CFAP57: variants seen among roughly 807,000 people sequenced by gnomAD.
The protein encoded by CFAP57 is cilia- and flagella-associated protein 57.
A neutral mutation model predicts 146.8 loss-of-function variants in CFAP57; 116 were observed. The ratio of observed to expected loss-of-function variants is 0.79; its 90% CI spans 0.68 to 0.92. The LOEUF (loss-of-function observed/expected upper bound fraction) is 0.92. CFAP57 is among the 40% of genes least tolerant of loss of function. CFAP57 has a pLI of 0.00. For synonymous variants in CFAP57, 518 were observed against 552.8 expected (o/e 0.94, Z 0.88); for missense variants, 1,377 against 1,527.2 (o/e 0.90, Z 1.64).
chr1:43,206,656 C>T, intron 9 of CFAP57, 64 bp from the exon 10 acceptor site: 1 of 1,585,534 alleles, frequency 6.3e-7, no homozygotes, highest in Admixed American at 1.7e-5. Context: ...AGTTTGCACC[C>T]TTTTCTGTGT....
chr1:43,191,479 C>T (rs934041865), intron 6 of CFAP57, among the ~76,000 whole-genome samples: 5 of 148,824 alleles, frequency 3.4e-5, no homozygotes, highest in Admixed American at 1.4e-4. Flanking sequence ...CCCAGCTACT[C>T]GGGAGGCTGA....
chr1:43,204,716 C>G (rs991236955), intron 9 of CFAP57, among the ~76,000 whole-genome samples: 2 of 152,060 alleles, frequency 1.3e-5, no homozygotes, highest in Non-Finnish European at 2.9e-5. Flanking sequence ...AGGTTTTTAC[C>G]TTTTACTACC....
At position 43,199,413 on chromosome 1, in the gene CFAP57, C is replaced by T. The variant is rs1644014283; in HGVS notation, c.1452C>T (p.His484=). The change falls in exon 9 of 23, where the codon CAC becomes CAT. Residue 484 remains histidine (H), a synonymous_variant. Coordinates refer to ENST00000372492, the MANE Select transcript of CFAP57 (RefSeq NM_001378189.1). ...CGECSFSNGG[H]LFAAVNGNVI... ...AGTGTTCCTTTAGCAATGGAGGTCA[C>T]CTGTTTGCTGCAGTCAATGGAAATG... The T allele has an allele frequency of 1.2e-6, 2 of 1,614,150 alleles. No homozygotes were observed. Among genetic ancestry groups the T allele is most frequent in the Middle Eastern group, 3.3e-4 (2 of 6,062 alleles).
chr1:43,220,955 G>GC (rs1645021565), intron 13 of CFAP57, among the ~76,000 whole-genome samples: 1 of 152,046 alleles, frequency 6.6e-6, no homozygotes, highest in African/African-American at 2.4e-5. Context: ...CCTCCAACTC[G>GC]CCCCCCAAGC....
At chr1:43,193,592 A>G (rs79381314) in intron 6 of CFAP57, among the ~76,000 whole-genome samples, 27,393 of 151,978 alleles carry the variant, frequency 0.18, 3,574 homozygotes, top group African/African-American at 0.35. Context: ...TACTAACTTA[A>G]TGCTAGTAAC....
At chr1:43,231,423 T>G (rs1645461497) in intron 18 of CFAP57, among the ~76,000 whole-genome samples, 1 of 152,194 alleles carries the variant, frequency 6.6e-6, no homozygotes, top group South Asian at 2.1e-4. Flanking sequence ...GAAATACTAG[T>G]GTCCACCAGA....
At chr1:43,229,278 A>T (rs182574608) in intron 18 of CFAP57, among the ~76,000 whole-genome samples, 1 of 148,922 alleles carries the variant, frequency 6.7e-6, no homozygotes, top group Non-Finnish European at 1.5e-5. Context: ...GGGACCATTC[A>T]TCTTCTCTGG....
At chr1:43,234,440 G>A in intron 20 of CFAP57, 27 bp downstream of exon 20, 2 of 1,544,266 alleles carry the variant, frequency 1.3e-6, no homozygotes, top group Non-Finnish European at 8.7e-7. Context: ...CTCCTGCCAT[G>A]CACTGACCTC....
intron 17 of CFAP57, among the ~76,000 whole-genome samples, chr1:43,224,696 C>T (rs1279561590): frequency 6.6e-6 from 1 of 152,238 alleles, no homozygotes; most frequent in Non-Finnish European, 1.5e-5. Context: ...AACACTCAGA[C>T]GTCAGAGACA....
intron 10 of CFAP57, among the ~76,000 whole-genome samples, chr1:43,207,693 T>C (rs1396484507): frequency 2.0e-5 from 3 of 152,124 alleles, no homozygotes; most frequent in African/African-American, 7.2e-5. Context: ...GGGCTCCAAA[T>C]AGTGAAGGGA....
Position 43,238,654 on chromosome 1 carries a change from C to T in CFAP57, c.3405+4016C>T, listed in dbSNP as rs979420234. ...ACCTCAATGTGACCTCGGGACCCCT[C>T]GGAACACAGGCCACCCCAGAAAACA... is the stretch of plus-strand genomic sequence containing the variant. On this transcript the variant is annotated intron_variant, in intron 21 of 22. Coordinates refer to ENST00000372492, the MANE Select transcript of CFAP57 (RefSeq NM_001378189.1). This position sits in a 1 kb window ranked among gnomAD's most constrained non-coding sequence, Gnocchi z 4.3. Among the ~76,000 whole-genome samples, 2 of 152,166 alleles carry T rather than the reference C, an allele frequency of 1.3e-5. No homozygotes were observed. The highest frequency in any genetic ancestry group is 4.8e-5 in the African/African-American group (2 of 41,430).
At chr1:43,240,378 T>G (rs571412403) in intron 21 of CFAP57, among the ~76,000 whole-genome samples, 1 of 152,318 alleles carries the variant, frequency 6.6e-6, no homozygotes, top group East Asian at 1.9e-4. Flanking sequence ...TTCAGATATC[T>G]TCTAGGATGT....
At position 43,238,545 on chromosome 1, in the gene CFAP57, G is replaced by T. The variant is rs1191897867; in HGVS notation, c.3405+3907G>T. Among the ~76,000 whole-genome samples, 1 of 152,198 alleles carries T rather than the reference G, an allele frequency of 6.6e-6. No individual in the cohort carries two copies. Among genetic ancestry groups the T allele is most frequent in the Non-Finnish European group, 1.5e-5 (1 of 68,040 alleles). The stretch of plus-strand genomic sequence containing the variant: ...GGGATTTTGGAAGTCAAACTGACAA[G>T]GGAGAGATCAGGAAGAGAAGGCTCG... On this transcript the variant is annotated intron_variant, in intron 21 of 22. Transcript: ENST00000372492. The surrounding 1 kb of genome is among the most constrained non-coding windows in gnomAD (Gnocchi z 4.3).
intron 4 of CFAP57, 38 bp from the exon 5 acceptor site, chr1:43,185,109 TTG>T (rs1396270932): frequency 2.5e-6 from 4 of 1,602,566 alleles, no homozygotes; most frequent in African/African-American, 1.3e-5. Flanking sequence ...CTCCTCAAGA[TTG>T]TCTCTATAAA....
At chr1:43,179,386 T>C (rs1645299462) in intron 2 of CFAP57, among the ~76,000 whole-genome samples, 1 of 152,204 alleles carries the variant, frequency 6.6e-6, no homozygotes, top group South Asian at 2.1e-4. Flanking sequence ...TTACAAACTC[T>C]AAAACCAGTC....
At chr1:43,220,815 G>A (rs74068527) in intron 13 of CFAP57, among the ~76,000 whole-genome samples, 1 of 145,064 alleles carries the variant, frequency 6.9e-6, no homozygotes, top group Admixed American at 6.9e-5. Flanking sequence ...AAAAAAAAAA[G>A]AAAGAAAAAC....
chr1:43,221,475 C>A lies in CFAP57; in HGVS notation c.2341+10C>A. 6.7e-7 allele frequency: 1 copy of A among 1,499,828 alleles called. No homozygotes were observed. Among genetic ancestry groups the A allele is most frequent in the South Asian group, 1.3e-5 (1 of 74,572 alleles). 92.9% of individuals were successfully genotyped at this position (1,499,828 alleles called of 1,614,324 possible). A position where few individuals can be genotyped will look rare whatever the true frequency, so the allele number is the denominator to read the frequency against. On this transcript the variant is annotated intron_variant, in intron 14 of 22. Transcript: ENST00000372492. ...GAACTGCAGGACATGGGTGAGCCCA[C>A]AAGTAGAGGCCTCGTTGGTTAGGGT... is the stretch of plus-strand genomic sequence containing the variant.
At chr1:43,200,646 T>C (rs1041198192) in intron 9 of CFAP57, among the ~76,000 whole-genome samples, 4 of 152,014 alleles carry the variant, frequency 2.6e-5, no homozygotes, top group African/African-American at 7.3e-5. Flanking sequence ...TAAGAGGCCA[T>C]TGGAAAAGAG....
intron 22 of CFAP57, among the ~76,000 whole-genome samples, chr1:43,249,175 T>C (rs1013310906): frequency 1.3e-5 from 2 of 151,678 alleles, no homozygotes; most frequent in Non-Finnish European, 2.9e-5. Flanking sequence ...GCTGGGATTA[T>C]AGGCGTGAGC....
Sources: allele counts gnomAD v4.1 joint callset (sites outside exome capture counted in the v4.1 genomes callset), GRCh38; gene constraint gnomAD v4.1.1; non-coding constraint Gnocchi (gnomAD v3.1); transcripts MANE v1.5; gene names NCBI Gene and HGNC (gene_info 2026-07-23, HGNC 2026-07-21).